The following WSB2 variants were observed in gnomAD, a reference collection of about 807,000 sequenced individuals.
WSB2 encodes WD repeat and SOCS box-containing protein 2.
A neutral mutation model predicts 48.8 loss-of-function variants in WSB2; 12 were observed. That is an observed-to-expected ratio of 0.25 (90% CI 0.16 to 0.40). The LOEUF (loss-of-function observed/expected upper bound fraction) is 0.40, where lower values mean the gene tolerates loss of function less well. Ranked by LOEUF, WSB2 falls within the 10% of genes least tolerant of loss-of-function variation. WSB2 has a pLI of 1.00. For missense variants in WSB2, 317 were observed against 506.2 expected, an observed-to-expected ratio of 0.63 and a Z score of 3.59; for synonymous variants, 191 against 203.1, an observed-to-expected ratio of 0.94 and a Z score of 0.51.
intron 4 of WSB2, among the ~76,000 whole-genome samples, 163 bp from the exon 5 acceptor site, chr12:118,038,551 C>CAGATTTGTCATTTAAACACCTGT (rs2031562983): frequency 6.6e-6 from 1 of 152,162 alleles, no homozygotes. Context: ...GAAATATGAC[C>CAGATTTGTCATTTAAACACCTGT]AGATTTGTCA....
chr12:118,057,361 GC>G (rs2137800540), intron 1 of WSB2, among the ~76,000 whole-genome samples: 1 of 151,708 alleles, frequency 6.6e-6, no homozygotes, highest in Non-Finnish European at 1.5e-5. Context: ...TGCAACCTCC[GC>G]CCCCTGGGTT....
Position 118,043,111 on chromosome 12 carries a change from G to A in WSB2, c.427+22C>T, listed in dbSNP as rs760815810. On this transcript the variant is annotated intron_variant, in intron 3 of 8. Transcript: ENST00000315436. ...ATGCACCCGAGCCTCCCAGAACCTT[G>A]TGCCAGCCAGGAATGACCTACCTGT... The A allele has an allele frequency of 2.7e-5, 43 of 1,614,046 alleles. No individual in the cohort carries two copies. In the South Asian group the frequency reaches 4.2e-4, roughly 16 times the overall value.
chr12:118,056,552 G>A (rs1593474772), intron 1 of WSB2, among the ~76,000 whole-genome samples: 1 of 152,168 alleles, frequency 6.6e-6, no homozygotes, highest in East Asian at 1.9e-4. Context: ...AGGGCAGGCA[G>A]TGAGTAAATA....
At position 118,052,085 on chromosome 12, in the gene WSB2, T is replaced by C. The variant is rs538964267; in HGVS notation, c.182+225A>G. Among the ~76,000 whole-genome samples the C allele has an allele frequency of 3.9e-5, 6 of 152,254 alleles. No homozygotes were observed. The South Asian group carries it at 1.2e-3, about 32-fold the overall frequency. On this transcript the variant is annotated intron_variant, in intron 2 of 8. Transcript: ENST00000315436. ...ATGGACAAACTGTGTGGTATATAAA[T>C]TACATCTCAATAAAGCTATGGGAAA...
At chr12:118,057,438 C>T (rs2031977609) in intron 1 of WSB2, among the ~76,000 whole-genome samples, 3 of 152,024 alleles carry the variant, frequency 2.0e-5, no homozygotes, top group Admixed American at 6.6e-5. Flanking sequence ...CCACACCTGG[C>T]TAATTTTTGT....
At chr12:118,036,804 C>G (rs1416478265) in intron 5 of WSB2, among the ~76,000 whole-genome samples, 2 of 150,174 alleles carry the variant, frequency 1.3e-5, no homozygotes, top group Admixed American at 1.3e-4. Flanking sequence ...ACTTCTGAGT[C>G]TGCTTCTGAG....
upstream of WSB2, chr12:118,061,245 G>C (rs1411378459): frequency 1.3e-5 from 12 of 946,410 alleles, no homozygotes; most frequent in Non-Finnish European, 1.5e-5. Context: ...AACGGAGGGG[G>C]GGTGCGGACG....
At chr12:118,056,632 A>G (rs2031962033) in intron 1 of WSB2, among the ~76,000 whole-genome samples, 1 of 152,152 alleles carries the variant, frequency 6.6e-6, no homozygotes, top group African/African-American at 2.4e-5. Context: ...CAGGCATGGT[A>G]GCTCATGCTT....
At chr12:118,040,724 G>A (rs891683137) in intron 4 of WSB2, among the ~76,000 whole-genome samples, 3 of 151,988 alleles carry the variant, frequency 2.0e-5, no homozygotes, top group African/African-American at 7.2e-5. Flanking sequence ...TAGACTGTGG[G>A]ATTACAGGTT....
At chr12:118,049,147 T>TC (rs1437114831) in intron 2 of WSB2, among the ~76,000 whole-genome samples, 1 of 152,220 alleles carries the variant, frequency 6.6e-6, no homozygotes, top group Non-Finnish European at 1.5e-5. Flanking sequence ...TGAAGGTGCA[T>TC]CCCTTGTATT....
intron 1 of WSB2, among the ~76,000 whole-genome samples, chr12:118,055,231 C>T (rs1436856217): frequency 6.6e-6 from 1 of 152,064 alleles, no homozygotes; most frequent in Non-Finnish European, 1.5e-5. Context: ...TTGGCAGTAA[C>T]ATTTTTGGTT....
chr12:118,054,463 G>A (rs991272285), intron 1 of WSB2, among the ~76,000 whole-genome samples: 8 of 151,832 alleles, frequency 5.3e-5, no homozygotes, highest in Non-Finnish European at 1.2e-4. Context: ...CTGAGGTCGG[G>A]AGTTCGAGAC....
intron 1 of WSB2, among the ~76,000 whole-genome samples, chr12:118,053,318 C>T (rs1010422745): frequency 6.6e-6 from 1 of 152,122 alleles, no homozygotes; most frequent in Admixed American, 6.6e-5. Flanking sequence ...GGCTTATTTA[C>T]GTTCACACCT....
At chr12:118,043,954 T>TAA (rs975217806) in intron 2 of WSB2, among the ~76,000 whole-genome samples, 2 of 140,626 alleles carry the variant, frequency 1.4e-5, no homozygotes. Flanking sequence ...CCATCTCTAC[T>TAA]AAAAAAAAAA....
chr12:118,037,540 C>T (rs139873567), intron 5 of WSB2, among the ~76,000 whole-genome samples: 47 of 152,002 alleles, frequency 3.1e-4, no homozygotes, highest in African/African-American at 1.1e-3. Context: ...TGGTGTAGCA[C>T]GCCTATAATC....
At chr12:118,049,836 T>C (rs930837538) in intron 2 of WSB2, among the ~76,000 whole-genome samples, 2 of 152,126 alleles carry the variant, frequency 1.3e-5, no homozygotes, top group Admixed American at 6.5e-5. Context: ...TTCCCTCTTA[T>C]CAAGGCAAGT....
chr12:118,038,439 G>T, intron 4 of WSB2, 51 bp from the exon 5 acceptor site: 1 of 1,573,402 alleles, frequency 6.4e-7, no homozygotes, highest in South Asian at 1.1e-5. Context: ...AAAGCAGGAA[G>T]ACTGGAGAAC....
At chr12:118,045,642 C>T (rs910263301) in intron 2 of WSB2, among the ~76,000 whole-genome samples, 7 of 148,568 alleles carry the variant, frequency 4.7e-5, no homozygotes, top group African/African-American at 1.0e-4. Flanking sequence ...AGCCAGGAGG[C>T]GGAGGTTGCA....
rs1316178896 is a variant in WSB2 at position 118,043,466 on chromosome 12, TG to T, written c.183-90del. ...TGGGACACGTAAGACTTTTGGGGAG[TG>T]GAGGGAAGGGTCTGTCACCCAAGCT... On this transcript the variant is annotated intron_variant, in intron 2 of 8. Transcript: ENST00000315436. The T allele has an allele frequency of 4.0e-6, 6 of 1,498,672 alleles. No homozygotes were observed. In the Admixed American group the frequency reaches 6.9e-5, roughly 17 times the overall value. 92.8% of individuals were successfully genotyped at this position (1,498,672 alleles called of 1,614,324 possible).
Sources: gnomAD v4.1 joint callset for allele counts (sites outside exome capture counted in the v4.1 genomes callset) on GRCh38, gnomAD v4.1.1 for gene constraint, MANE v1.5 for transcripts, NCBI Gene and HGNC (gene_info 2026-07-23, HGNC 2026-07-21) for gene names.